PDZRN3: variants seen among roughly 807,000 people sequenced by gnomAD.
PDZRN3 encodes E3 ubiquitin-protein ligase PDZRN3.
Under a neutral mutation model 85.7 loss-of-function variants are expected in PDZRN3, and 38 were observed. That is an observed-to-expected ratio of 0.44 (90% CI 0.34 to 0.58). The LOEUF (loss-of-function observed/expected upper bound fraction) is 0.58, where lower values mean the gene tolerates loss of function less well. Among genes scored for constraint, PDZRN3 ranks in the 20% least tolerant of loss-of-function variants. PDZRN3 has a pLI of 0.01. For synonymous variants in PDZRN3, 759 were observed against 638.0 expected (o/e 1.19, Z -2.86); for missense variants, 1,629 against 1,506.4 (o/e 1.08, Z -1.35).
chr3:73,510,354 T>C (rs1704141234), intron 3 of PDZRN3, among the ~76,000 whole-genome samples: 1 of 152,172 alleles, frequency 6.6e-6, no homozygotes, highest in Non-Finnish European at 1.5e-5. Context: ...TCTAGATCTC[T>C]ACCCGAGAAG....
rs928742833 is a variant in PDZRN3, at chr3:73,576,144, G to A, written c.918+26210C>T. Among the ~76,000 whole-genome samples, 6 of 151,966 alleles carry A rather than the reference G, an allele frequency of 3.9e-5. 1 individual carries two copies. Among genetic ancestry groups the A allele is most frequent in the Non-Finnish European group, 8.8e-5 (6 of 67,990 alleles). ...CACACACATATGCACAGTGGCATAC[G>A]GAGCTGCCTATTTTCTGCCAACTTC... On this transcript the variant is annotated intron_variant, in intron 3 of 9. Coordinates refer to ENST00000263666, the MANE Select transcript of PDZRN3 (RefSeq NM_015009.3).
intron 3 of PDZRN3, among the ~76,000 whole-genome samples, chr3:73,597,874 T>G (rs894899778): frequency 1.3e-5 from 2 of 152,000 alleles, no homozygotes; most frequent in African/African-American, 4.8e-5. Context: ...TCAAATGAGG[T>G]ATTCACAGAA....
chr3:73,574,729 C>T (rs1368915675), intron 3 of PDZRN3, among the ~76,000 whole-genome samples: 1 of 152,190 alleles, frequency 6.6e-6, no homozygotes, highest in Non-Finnish European at 1.5e-5. Flanking sequence ...AAAGGGGGAA[C>T]AAGCACTTTT....
chr3:73,438,087 G>C (rs1027462609), intron 3 of PDZRN3, among the ~76,000 whole-genome samples: 1 of 152,172 alleles, frequency 6.6e-6, no homozygotes, highest in South Asian at 2.1e-4. Flanking sequence ...AAGCTCACCA[G>C]AGCACAAGGC....
intron 3 of PDZRN3, among the ~76,000 whole-genome samples, chr3:73,598,062 A>G (rs573211156): frequency 6.6e-6 from 1 of 152,264 alleles, no homozygotes; most frequent in Non-Finnish European, 1.5e-5. Flanking sequence ...CCTTCTCCTA[A>G]ATAACTTTCA....
chr3:73,624,923 C>A lies in PDZRN3; in HGVS notation c.-98G>T. 1.1e-6 allele frequency: 1 copy of A among 941,272 alleles called. No homozygotes were observed. Among genetic ancestry groups the A allele is most frequent in the Non-Finnish European group, 1.4e-6 (1 of 721,460 alleles). The allele number at this position is 941,272 out of a possible 1,614,324, so 58.3% of individuals were successfully genotyped here. A position where few individuals can be genotyped will look rare whatever the true frequency, so the allele number is the denominator to read the frequency against. On this transcript the variant is annotated 5_prime_UTR_variant, in exon 1 of 10. Coordinates refer to ENST00000263666, the MANE Select transcript of PDZRN3 (RefSeq NM_015009.3). ...AGGCCGGCTACGCCGCCCGCGCGCT[C>A]GCTGGCTCTCCCCGGACTGAGCCTA...
At chr3:73,612,204 A>G (rs985898881) in intron 1 of PDZRN3, among the ~76,000 whole-genome samples, 1 of 152,216 alleles carries the variant, frequency 6.6e-6, no homozygotes, top group Non-Finnish European at 1.5e-5. Flanking sequence ...CATTGTATCA[A>G]TGCTCTAAAC....
intron 3 of PDZRN3, among the ~76,000 whole-genome samples, chr3:73,455,179 C>A (rs1244233521): frequency 6.6e-6 from 1 of 152,150 alleles, no homozygotes; most frequent in Non-Finnish European, 1.5e-5. Flanking sequence ...ATTTTCAGAT[C>A]AACATCATCA....
Position 73,624,164 on chromosome 3 carries a change from G to C in PDZRN3, c.662C>G (p.Thr221Ser), listed in dbSNP as rs761999901. Residue 221 changes from threonine to serine, a missense_variant, in exon 1 of 10, where the codon ACC becomes AGC. Physicochemically the swap from Thr to Ser is moderately conservative, Grantham distance 58 (BLOSUM62 1). Coordinates refer to ENST00000263666, the MANE Select transcript of PDZRN3 (RefSeq NM_015009.3). Reference protein sequence around the residue: ...MTALRYQKKFTEYSARLDSLS... With the variant: ...MTALRYQKKFSEYSARLDSLS... Reference sequence around the variant, plus strand: ...CGAGTCGAGGCGCGCGCTGTATTCGGTGAATTTCTTCTGGTAGCGCAGCGC... The same window carrying C: ...CGAGTCGAGGCGCGCGCTGTATTCGCTGAATTTCTTCTGGTAGCGCAGCGC... 2 of 1,503,040 alleles carry C rather than the reference G, an allele frequency of 1.3e-6. No homozygotes were observed. The highest frequency in any genetic ancestry group is 2.5e-5 in the South Asian group (2 of 80,654). The allele number at this position is 1,503,040 out of a possible 1,614,324, so 93.1% of individuals were successfully genotyped here.
At chr3:73,483,423 G>T (rs556413868) in intron 3 of PDZRN3, among the ~76,000 whole-genome samples, 32 of 152,338 alleles carry the variant, frequency 2.1e-4, no homozygotes, top group Non-Finnish European at 3.8e-4. Flanking sequence ...GGGAGGAAAT[G>T]TGCCCTGGGT....
chr3:73,492,354 G>T (rs769092151), intron 3 of PDZRN3, among the ~76,000 whole-genome samples: 18 of 152,306 alleles, frequency 1.2e-4, no homozygotes, highest in Non-Finnish European at 2.5e-4. Context: ...CTGTGTGCCT[G>T]TGAGCTCGCT....
intron 2 of PDZRN3, among the ~76,000 whole-genome samples, chr3:73,605,366 T>C (rs970438121): frequency 1.3e-5 from 2 of 152,106 alleles, no homozygotes; most frequent in Non-Finnish European, 2.9e-5. Flanking sequence ...AAGAGAGAAA[T>C]GAAAGGGGAT....
At chr3:73,536,345 G>A (rs1472062847) in intron 3 of PDZRN3, among the ~76,000 whole-genome samples, 1 of 152,238 alleles carries the variant, frequency 6.6e-6, no homozygotes, top group African/African-American at 2.4e-5. Flanking sequence ...TTGACAGGAT[G>A]GAAATGGTGG....
At chr3:73,398,498 T>G (rs758571060) in intron 5 of PDZRN3, among the ~76,000 whole-genome samples, 1 of 152,160 alleles carries the variant, frequency 6.6e-6, no homozygotes, top group Non-Finnish European at 1.5e-5. Context: ...GTTTCTGTAG[T>G]TCCCACATCT....
chr3:73,438,400 T>C (rs898452138), intron 3 of PDZRN3, among the ~76,000 whole-genome samples: 1 of 152,234 alleles, frequency 6.6e-6, no homozygotes, highest in African/African-American at 2.4e-5. Context: ...TTGGATTGTC[T>C]ATTTGCCTGA....
At chr3:73,564,402 G>T (rs2106837251) in intron 3 of PDZRN3, among the ~76,000 whole-genome samples, 1 of 152,230 alleles carries the variant, frequency 6.6e-6, no homozygotes, top group South Asian at 2.1e-4. Context: ...TGTGTGACAT[G>T]GGAGGGCCAG....
Position 73,418,920 on chromosome 3 carries a change from C to T in PDZRN3, c.919-14525G>A, listed in dbSNP as rs547034480. Reference sequence around the variant, plus strand: ...AAATGACTCTGGGGACTTGGCCTGGCCAAAGCACAGTTCTGAAATCTTTTC... The same window carrying T: ...AAATGACTCTGGGGACTTGGCCTGGTCAAAGCACAGTTCTGAAATCTTTTC... On this transcript the variant is annotated intron_variant, in intron 3 of 9. Coordinates refer to ENST00000263666, the MANE Select transcript of PDZRN3 (RefSeq NM_015009.3). 4.6e-5 allele frequency among the ~76,000 whole-genome samples: 7 copies of T among 152,246 alleles called. No homozygotes were observed. The South Asian group carries it at 8.3e-4, about 18-fold the overall frequency.
chr3:73,396,224 A>C (rs6809676), intron 5 of PDZRN3, among the ~76,000 whole-genome samples: 91,281 of 150,064 alleles, frequency 0.61, 28,293 homozygotes, highest in East Asian at 0.86. Flanking sequence ...CAAAACAAAC[A>C]AAAAAAAAAG....
At chr3:73,548,108 T>G (rs928382036) in intron 3 of PDZRN3, among the ~76,000 whole-genome samples, 1 of 152,202 alleles carries the variant, frequency 6.6e-6, no homozygotes, top group Non-Finnish European at 1.5e-5. Context: ...AGACATATGC[T>G]GAACCTAAAT....
Sources: allele counts gnomAD v4.1 joint callset (sites outside exome capture counted in the v4.1 genomes callset), GRCh38; gene constraint gnomAD v4.1.1; transcripts MANE v1.5; gene names NCBI Gene and HGNC (gene_info 2026-07-23, HGNC 2026-07-21).